SVOP: variants seen among roughly 807,000 people sequenced by gnomAD.
The protein encoded by SVOP is SV2 related protein.
Under a neutral mutation model 69.1 loss-of-function variants are expected in SVOP, and 17 were observed. The ratio of observed to expected loss-of-function variants is 0.25; its 90% CI spans 0.17 to 0.37. The LOEUF is 0.37. Among genes scored for constraint, SVOP ranks in the 10% least tolerant of loss-of-function variants. The probability of loss-of-function intolerance (pLI) is 1.00; values close to 1 mark genes in which losing one functional copy is unlikely to be tolerated. For synonymous variants in SVOP, 238 were observed against 238.6 expected, an observed-to-expected ratio of 1.00 and a Z score of 0.02; for missense variants, 435 against 597.5, an observed-to-expected ratio of 0.73 and a Z score of 2.84.
At chr12:108,980,809 C>T (rs2137436263) in intron 2 of SVOP, among the ~76,000 whole-genome samples, 1 of 151,712 alleles carries the variant, frequency 6.6e-6, no homozygotes, top group African/African-American at 2.4e-5. Flanking sequence ...CCTGTAGTCC[C>T]AGCTACTCAG....
chr12:108,984,732 G>A (rs1050275283), intron 1 of SVOP, among the ~76,000 whole-genome samples: 5,592 of 152,144 alleles, frequency 0.037, 343 homozygotes, highest in African/African-American at 0.13. Context: ...CTGGGACTCC[G>A]GGGCAAAATT....
At chr12:108,948,763 T>A (rs1040799204) in intron 6 of SVOP, among the ~76,000 whole-genome samples, 1 of 152,212 alleles carries the variant, frequency 6.6e-6, no homozygotes, top group Non-Finnish European at 1.5e-5. Flanking sequence ...TTCCAATTTA[T>A]ATTCCTTTCA....
intron 11 of SVOP, among the ~76,000 whole-genome samples, chr12:108,932,699 C>A (rs528359974): frequency 6.6e-6 from 1 of 151,910 alleles, no homozygotes; most frequent in Non-Finnish European, 1.5e-5. Context: ...CTTATACCCC[C>A]TCCCTCTTGG....
At chr12:108,921,662 ACT>A (rs1174035213) in intron 12 of SVOP, among the ~76,000 whole-genome samples, 1 of 151,814 alleles carries the variant, frequency 6.6e-6, no homozygotes, top group Non-Finnish European at 1.5e-5. Flanking sequence ...CCAGGTGCTA[ACT>A]CCTTGGCACT....
intron 1 of SVOP, among the ~76,000 whole-genome samples, chr12:108,991,806 C>G (rs957145632): frequency 6.6e-6 from 1 of 150,544 alleles, no homozygotes; most frequent in South Asian, 2.1e-4. Flanking sequence ...ATTAGCCAGG[C>G]ATGGTAGCAC....
intron 5 of SVOP, among the ~76,000 whole-genome samples, chr12:108,966,305 G>T (rs1447731537): frequency 2.0e-5 from 3 of 152,130 alleles, no homozygotes; most frequent in Non-Finnish European, 4.4e-5. Context: ...TATAAACCTG[G>T]ATGCGTTTAT....
In SVOP at chr12:108,949,969, C is replaced by G. The variant is rs192239587; in HGVS notation, c.579-4803G>C. Reference sequence around the variant, plus strand: ...CCATTTGGAGGACCTGCGGCTGAGTCTCCCAGAGGAAACTTCTTGCTCTTA... The same window carrying G: ...CCATTTGGAGGACCTGCGGCTGAGTGTCCCAGAGGAAACTTCTTGCTCTTA... On this transcript the variant is annotated intron_variant, in intron 6 of 15. Coordinates refer to ENST00000610966, the MANE Select transcript of SVOP (RefSeq NM_018711.5). Among the ~76,000 whole-genome samples, 580 of 152,350 alleles carry G rather than the reference C, an allele frequency of 3.8e-3. 2 individuals carry two copies. The highest frequency in any genetic ancestry group is 6.1e-3 in the Non-Finnish European group (418 of 68,042).
At chr12:108,963,878 A>C (rs1428798659) in intron 5 of SVOP, among the ~76,000 whole-genome samples, 1 of 152,244 alleles carries the variant, frequency 6.6e-6, no homozygotes, top group Non-Finnish European at 1.5e-5. Context: ...ACAACCACTA[A>C]GAATTTAATA....
intron 5 of SVOP, among the ~76,000 whole-genome samples, chr12:108,969,427 G>A (rs1240831101): frequency 2.1e-5 from 3 of 144,784 alleles, no homozygotes; most frequent in African/African-American, 7.7e-5. Context: ...TGTTGCCCAG[G>A]CTGGAGTGCA....
intron 4 of SVOP, among the ~76,000 whole-genome samples, chr12:108,973,073 G>A (rs1399272010): frequency 6.6e-6 from 1 of 152,184 alleles, no homozygotes; most frequent in African/African-American, 2.4e-5. Flanking sequence ...AAAGGAGAGA[G>A]TAGAGGCAAG....
At chr12:108,983,426 T>C (rs1177650734) in intron 2 of SVOP, among the ~76,000 whole-genome samples, 175 bp downstream of exon 2, 1 of 152,224 alleles carries the variant, frequency 6.6e-6, no homozygotes, top group Non-Finnish European at 1.5e-5. Context: ...GGGATTGTGA[T>C]GTAACCTTGC....
chr12:108,933,378 A>G (rs1260302192), intron 11 of SVOP, among the ~76,000 whole-genome samples: 1 of 128,722 alleles, frequency 7.8e-6, no homozygotes, highest in Admixed American at 8.4e-5. Flanking sequence ...CCTTGTCTCA[A>G]AAATAATAAT....
chr12:108,938,730 C>G (rs2039870787), intron 9 of SVOP, 97 bp downstream of exon 9: 4 of 1,565,862 alleles, frequency 2.6e-6, no homozygotes, highest in Non-Finnish European at 3.5e-6. Flanking sequence ...CACATACCCA[C>G]ATGTGTCCTC....
At chr12:108,912,956 C>G (rs1032312141) in intron 15 of SVOP, among the ~76,000 whole-genome samples, 1 of 152,122 alleles carries the variant, frequency 6.6e-6, no homozygotes, top group Non-Finnish European at 1.5e-5. Flanking sequence ...TTCCTGAGGC[C>G]TCACCAGAAG....
chr12:108,938,913 G>T lies in SVOP; in HGVS notation c.811C>A (p.Gln271Lys). The T allele has an allele frequency of 6.2e-7, 1 of 1,613,984 alleles. No homozygotes were observed. Among genetic ancestry groups the T allele is most frequent in the East Asian group, 2.2e-5 (1 of 44,874 alleles). The change falls in exon 9 of 16, where the codon CAG becomes AAG. Residue 271 changes from glutamine to lysine, a missense_variant. Physicochemically the swap from Gln to Lys is moderately conservative, Grantham distance 53. Transcript: ENST00000610966. ...SARYDVLSGN[Q>K]EKAIATLKRI... ...TTTAAGGTGGCGATTGCCTTTTCCT[G>T]GTTCCCTGACAGCACATCATACCTT... is the stretch of plus-strand genomic sequence containing the variant.
chr12:108,979,067 T>G (rs1379121241), intron 2 of SVOP, among the ~76,000 whole-genome samples: 1 of 136,148 alleles, frequency 7.3e-6, no homozygotes, highest in Non-Finnish European at 1.6e-5. Flanking sequence ...GGTTCTATTC[T>G]TGGAAATGTA....
chr12:108,936,632 C>T (rs1446652571), intron 10 of SVOP, among the ~76,000 whole-genome samples: 1 of 152,076 alleles, frequency 6.6e-6, no homozygotes, highest in Non-Finnish European at 1.5e-5. Flanking sequence ...CATGCCTCCA[C>T]ACCCAGCTAA....
intron 1 of SVOP, among the ~76,000 whole-genome samples, chr12:108,989,968 G>A (rs939204898): frequency 6.6e-6 from 1 of 152,138 alleles, no homozygotes; most frequent in African/African-American, 2.4e-5. Flanking sequence ...TATGAATTAG[G>A]TACAGTTATT....
intron 9 of SVOP, among the ~76,000 whole-genome samples, chr12:108,937,765 C>T (rs957319370): frequency 6.6e-6 from 1 of 152,210 alleles, no homozygotes; most frequent in Non-Finnish European, 1.5e-5. Flanking sequence ...TCACCAAAGG[C>T]CAATTTACCA....
Sources: allele counts gnomAD v4.1 joint callset (sites outside exome capture counted in the v4.1 genomes callset), GRCh38; gene constraint gnomAD v4.1.1; transcripts MANE v1.5; gene names NCBI Gene and HGNC (gene_info 2026-07-23, HGNC 2026-07-21).